Variants in VWA3A observed in about 807,000 individuals in gnomAD.
VWA3A encodes the protein von Willebrand factor A domain-containing protein 3A.
VWA3A carries 134 observed loss-of-function variants against 160.4 expected under a neutral mutation model. That is an observed-to-expected ratio of 0.84 (90% CI 0.73 to 0.96). VWA3A has a LOEUF of 0.96. VWA3A is among the 40% of genes least tolerant of loss of function. The pLI, the probability that VWA3A is intolerant of heterozygous loss-of-function variation, is 0.00. For missense variants in VWA3A, 1,310 were observed against 1,447.9 expected (o/e 0.90, Z 1.55); for synonymous variants, 476 against 543.4 (o/e 0.88, Z 1.72).
At chr16:22,105,259 G>T (rs1255756524) in intron 6 of VWA3A, among the ~76,000 whole-genome samples, 4 of 152,160 alleles carry the variant, frequency 2.6e-5, no homozygotes, top group Non-Finnish European at 5.9e-5. Context: ...AAAGTGGGCG[G>T]GGATTGATAG....
At chr16:22,101,203 G>A (rs2045403921) in intron 5 of VWA3A, among the ~76,000 whole-genome samples, 1 of 152,066 alleles carries the variant, frequency 6.6e-6, no homozygotes, top group South Asian at 2.1e-4. Context: ...GCTGCAGTGA[G>A]CTATGATCAC....
chr16:22,120,041 T>A (rs978177355), intron 12 of VWA3A, among the ~76,000 whole-genome samples: 20 of 152,078 alleles, frequency 1.3e-4, no homozygotes, highest in African/African-American at 4.8e-4. Context: ...ATAATAGTTC[T>A]CATTTATTAA....
chr16:22,133,173 G>A (rs1230101870), intron 20 of VWA3A, 78 bp downstream of exon 20: 3 of 1,442,344 alleles, frequency 2.1e-6, no homozygotes, highest in Non-Finnish European at 2.8e-6. Context: ...TTAGACCACA[G>A]ATGTATTCCA....
chr16:22,098,911 C>CAAAAAAA (rs900328333), intron 3 of VWA3A, among the ~76,000 whole-genome samples: 2 of 41,058 alleles, frequency 4.9e-5, no homozygotes, highest in Non-Finnish European at 9.1e-5. Flanking sequence ...CCTGTTTCCA[C>CAAAAAAA]AAAAAAAAAA....
intron 9 of VWA3A, 30 bp downstream of exon 9, chr16:22,115,502 A>G (rs949325806): frequency 1.9e-6 from 3 of 1,579,968 alleles, no homozygotes; most frequent in African/African-American, 2.7e-5. Context: ...CAGGTGACAT[A>G]CTACATGAAA....
In VWA3A at chr16:22,134,351, A is replaced by T; in HGVS notation, c.2069-17A>T. 6 of 1,588,000 alleles carry T rather than the reference A, an allele frequency of 3.8e-6. No individual in the cohort carries two copies. The highest frequency in any genetic ancestry group is 5.1e-6 in the Non-Finnish European group (6 of 1,166,510). Reference sequence around the variant, plus strand: ...CACACCCTGTCTCACCTTGCTCACGATGTGCTTTGTTTCCAGGCATTTATG... The same window carrying T: ...CACACCCTGTCTCACCTTGCTCACGTTGTGCTTTGTTTCCAGGCATTTATG... On this transcript the variant is annotated splice_polypyrimidine_tract_variant and intron_variant, in intron 20 of 33. Coordinates refer to ENST00000389398, the MANE Select transcript of VWA3A (RefSeq NM_173615.5).
intron 1 of VWA3A, among the ~76,000 whole-genome samples, chr16:22,093,474 G>A (rs1901411911): frequency 6.6e-6 from 1 of 152,160 alleles, no homozygotes; most frequent in Admixed American, 6.5e-5. Context: ...GGAAAGGGCT[G>A]CGTCCTGTTC....
chr16:22,111,642 C>T (rs1021430424), intron 8 of VWA3A, among the ~76,000 whole-genome samples: 8 of 152,212 alleles, frequency 5.3e-5, no homozygotes, highest in Middle Eastern at 3.4e-3. Context: ...CTACCACGCC[C>T]AGCTAATTTT....
rs1323784090 is a variant in VWA3A at position 22,134,324 on chromosome 16, TCCACA to T, written c.2069-41_2069-37del. The T allele has an allele frequency of 2.6e-6, 4 of 1,545,168 alleles. No individual in the cohort carries two copies. In the African/African-American group the frequency reaches 5.4e-5, roughly 21 times the overall value. ...CAGATGATGGGGACGCTTGCCAGGA[TCCACA>T]CCCTGTCTCACCTTGCTCACGATGT... On this transcript the variant is annotated intron_variant, in intron 20 of 33. Coordinates refer to ENST00000389398, the MANE Select transcript of VWA3A (RefSeq NM_173615.5).
At chr16:22,149,718 A>G in intron 28 of VWA3A, 69 bp from the exon 29 acceptor site, 1 of 1,490,136 alleles carries the variant, frequency 6.7e-7, no homozygotes, top group South Asian at 1.4e-5. Context: ...TTCAATCTAG[A>G]CAGGCCTGTT....
At chr16:22,147,515 G>C in intron 27 of VWA3A, 1 of 700,562 alleles carries the variant, frequency 1.4e-6, no homozygotes, top group East Asian at 2.7e-5. Context: ...GTCCTATATA[G>C]AGATCCTACA....
intron 32 of VWA3A, 79 bp downstream of exon 32, chr16:22,155,743 G>A (rs189046993): frequency 1.7e-4 from 277 of 1,598,468 alleles, no homozygotes; most frequent in Non-Finnish European, 2.2e-4. Flanking sequence ...GAGAAGGGCC[G>A]CACCCATGAT....
chr16:22,100,572 T>A (rs1013427850), intron 5 of VWA3A, 79 bp downstream of exon 5: 41 of 1,387,302 alleles, frequency 3.0e-5, no homozygotes, highest in Non-Finnish European at 3.9e-5. Flanking sequence ...TGGTGGCTTA[T>A]ACCTGTAATC....
intron 11 of VWA3A, 99 bp downstream of exon 11, chr16:22,117,275 GTTTCTCCT>G (rs1555457276): frequency 2.3e-6 from 3 of 1,285,364 alleles, no homozygotes; most frequent in Admixed American, 2.3e-5. Flanking sequence ...CTATATACTT[GTTTCTCCT>G]TTTCTCCTTG....
At chr16:22,138,931 G>C (rs1486249391) in intron 22 of VWA3A, among the ~76,000 whole-genome samples, 1 of 152,072 alleles carries the variant, frequency 6.6e-6, no homozygotes, top group African/African-American at 2.4e-5. Flanking sequence ...GGCTGAGCCT[G>C]CTAGGGGCTT....
intron 9 of VWA3A, among the ~76,000 whole-genome samples, chr16:22,116,108 G>A (rs77519707): frequency 0.023 from 3,143 of 137,044 alleles, 60 homozygotes; most frequent in Non-Finnish European, 0.033. Context: ...AAGAAAGAAA[G>A]AAACAAGAAA....
intron 25 of VWA3A, among the ~76,000 whole-genome samples, chr16:22,143,149 CAAAA>C (rs776095104): frequency 1.0e-4 from 7 of 68,778 alleles, no homozygotes; most frequent in South Asian, 5.1e-4. Context: ...GACTCTGTCT[CAAAA>C]AAAAAAAAAA....
At position 22,110,985 on chromosome 16, in the gene VWA3A, G is replaced by T; in HGVS notation, c.680G>T (p.Ser227Ile). 6.2e-7 allele frequency: 1 copy of T among 1,605,974 alleles called. No individual in the cohort carries two copies. ...GSLWPDPMEV[S>I]ASTLQELKLW... ...CTCTGGCCAGACCCCATGGAAGTCA[G>T]CGCCTCCACGTGAGTGGCTTTCCTA... Residue 227 changes from serine to isoleucine, a missense_variant, in exon 8 of 34, where the codon AGC (serine) becomes ATC (isoleucine). Physicochemically the swap from Ser to Ile is moderately radical, Grantham distance 142. Coordinates refer to ENST00000389398, the MANE Select transcript of VWA3A (RefSeq NM_173615.5).
chr16:22,102,331 A>G (rs1290622384), intron 5 of VWA3A, among the ~76,000 whole-genome samples: 2 of 151,954 alleles, frequency 1.3e-5, no homozygotes, highest in Non-Finnish European at 2.9e-5. Flanking sequence ...AGCCTGGGCA[A>G]CAGAGTGAGA....
Sources: allele counts gnomAD v4.1 joint callset (sites outside exome capture counted in the v4.1 genomes callset), GRCh38; gene constraint gnomAD v4.1.1; transcripts MANE v1.5; gene names NCBI Gene and HGNC (gene_info 2026-07-23, HGNC 2026-07-21).